The following SLC9A5 variants were observed in gnomAD, a reference collection of about 807,000 sequenced individuals.
SLC9A5 encodes sodium/hydrogen exchanger 5.
In SLC9A5, 52 loss-of-function variants were observed where a neutral mutation model predicts 91.7. That is an observed-to-expected ratio of 0.57 (90% CI 0.45 to 0.71). SLC9A5 has a LOEUF of 0.71. SLC9A5 is among the 30% of genes least tolerant of loss of function. The pLI is 0.00. For synonymous variants in SLC9A5, 419 were observed against 474.5 expected (o/e 0.88, Z 1.52); for missense variants, 871 against 1,158.9 (o/e 0.75, Z 3.61).
Position 67,256,432 on chromosome 16 carries a change from C to A in SLC9A5, c.912-37C>A. ...CCCTGGAGGCTGAGCCCCCTGGAACCCTTCCCCACTTGCCATGTCTCTCCA... is the reference window on the plus strand; with the variant it reads ...CCCTGGAGGCTGAGCCCCCTGGAACACTTCCCCACTTGCCATGTCTCTCCA... On this transcript the variant is annotated intron_variant, in intron 5 of 15. Coordinates refer to ENST00000299798, the MANE Select transcript of SLC9A5 (RefSeq NM_004594.3). This position sits in a 1 kb window ranked among gnomAD's most constrained non-coding sequence, Gnocchi z 4.1. 6.8e-7 allele frequency: 1 copy of A among 1,478,330 alleles called. No homozygotes were observed. The highest frequency in any genetic ancestry group is 9.4e-7 in the Non-Finnish European group (1 of 1,067,290). 91.6% of individuals were successfully genotyped at this position (1,478,330 alleles called of 1,614,324 possible).
Position 67,256,452 on chromosome 16 carries a change from T to C in SLC9A5, c.912-17T>C. The stretch of plus-strand genomic sequence containing the variant: ...GGAACCCTTCCCCACTTGCCATGTC[T>C]CTCCATCCTCTCCCAGGGTGACCAT... On this transcript the variant is annotated splice_polypyrimidine_tract_variant and intron_variant, in intron 5 of 15. Coordinates refer to ENST00000299798, the MANE Select transcript of SLC9A5 (RefSeq NM_004594.3). The surrounding 1 kb of genome is among the most constrained non-coding windows in gnomAD (Gnocchi z 4.1). 6.3e-7 allele frequency: 1 copy of C among 1,587,686 alleles called. No homozygotes were observed. Among genetic ancestry groups the C allele is most frequent in the East Asian group, 2.2e-5 (1 of 44,792 alleles).
intron 12 of SLC9A5, 30 bp from the exon 13 acceptor site, chr16:67,264,322 C>T (rs2035626816): frequency 6.2e-7 from 1 of 1,609,204 alleles, no homozygotes; most frequent in African/African-American, 1.3e-5. Context: ...GGCATCCATC[C>T]TCATAGCCAG....
chr16:67,265,386 G>T (rs2142379238), intron 14 of SLC9A5, among the ~76,000 whole-genome samples: 1 of 152,288 alleles, frequency 6.6e-6, no homozygotes, highest in Non-Finnish European at 1.5e-5. Flanking sequence ...TGGAGGATGG[G>T]TGGACTCTGG....
chr16:67,255,938 C>A lies in SLC9A5; in HGVS notation c.911+8C>A. On this transcript the variant is annotated splice_region_variant and intron_variant, in intron 5 of 15. Coordinates refer to ENST00000299798, the MANE Select transcript of SLC9A5 (RefSeq NM_004594.3). This position sits in a 1 kb window ranked among gnomAD's most constrained non-coding sequence, Gnocchi z 4.9. ...GCTCTCCGCCATTCTTGCGTGAGTT[C>A]TGGGGGCCTTGCAGGCAGATAGCTG... 6.2e-7 allele frequency: 1 copy of A among 1,610,934 alleles called. No individual in the cohort carries two copies. The highest frequency in any genetic ancestry group is 1.1e-5 in the South Asian group (1 of 90,558).
Position 67,256,072 on chromosome 16 carries a change from G to T in SLC9A5, c.911+142G>T. 1.1e-6 allele frequency: 1 copy of T among 893,740 alleles called. No homozygotes were observed. Among genetic ancestry groups the T allele is most frequent in the Non-Finnish European group, 1.7e-6 (1 of 594,792 alleles). 55.4% of individuals were successfully genotyped at this position (893,740 alleles called of 1,614,324 possible). On this transcript the variant is annotated intron_variant, in intron 5 of 15. Transcript: ENST00000299798. The surrounding 1 kb of genome is among the most constrained non-coding windows in gnomAD (Gnocchi z 4.1). ...GTAGTGGGAGCCTCAGACTGTCCTG[G>T]GGAGTCAGTAAACCTCAGCAATATT...
chr16:67,258,442 G>A lies in SLC9A5; in HGVS notation c.1621G>A (p.Asp541Asn), dbSNP rs1016637651. The A allele has an allele frequency of 6.2e-6, 10 of 1,614,026 alleles. No homozygotes were observed. Among genetic ancestry groups the A allele is most frequent in the Non-Finnish European group, 8.5e-6 (10 of 1,180,030 alleles). The change falls in exon 10 of 16, where the codon GAC becomes AAC. Residue 541 changes from aspartate (D) to asparagine (N), a missense_variant. Asp to Asn is a conservative substitution (Grantham distance 23). Around this residue, in one of 3 missense-constraint regions of SLC9A5, gnomAD observed 454 missense variants for 718.3 expected, o/e 0.63. Transcript: ENST00000299798. The surrounding 1 kb of genome is among the most constrained non-coding windows in gnomAD (Gnocchi z 4.5). ...LNIRDAISFV[D>N]QGGHVLSSTG... is the part of the protein sequence containing the mutation. ...CATCCGGGATGCCATCAGCTTTGTG[G>A]ACCAGGTGGGCCAGCAGCTTCCAGG...
At chr16:67,262,926 C>T (rs976749698) in intron 12 of SLC9A5, 8 of 152,504 alleles carry the variant, frequency 5.2e-5, no homozygotes, top group African/African-American at 1.9e-4. Flanking sequence ...CCTGGAGTTG[C>T]ATTTCTGGTT....
intron 15 of SLC9A5, among the ~76,000 whole-genome samples, chr16:67,269,762 A>C (rs2035857300): frequency 6.6e-6 from 1 of 152,028 alleles, no homozygotes; most frequent in African/African-American, 2.4e-5. Context: ...TACTTTGGAG[A>C]GCTGGGGTGG....
rs1442135075 is a variant in SLC9A5, at chr16:67,257,487, T to C, written c.1426-44T>C. On this transcript the variant is annotated intron_variant, in intron 8 of 15. Transcript: ENST00000299798. The surrounding 1 kb of genome is among the most constrained non-coding windows in gnomAD (Gnocchi z 5.1). Reference sequence around the variant, plus strand: ...TGTCCCTCTCGACCTTCTCCTATTTTGGGCAGAGTCCTGATCCAGTCCCCC... The same window carrying C: ...TGTCCCTCTCGACCTTCTCCTATTTCGGGCAGAGTCCTGATCCAGTCCCCC... 1.2e-6 allele frequency: 2 copies of C among 1,613,684 alleles called. No individual in the cohort carries two copies. The highest frequency in any genetic ancestry group is 1.7e-6 in the Non-Finnish European group (2 of 1,179,598).
intron 1 of SLC9A5, among the ~76,000 whole-genome samples, chr16:67,250,012 T>C (rs1464137099): frequency 6.6e-6 from 1 of 152,184 alleles, no homozygotes; most frequent in Non-Finnish European, 1.5e-5. Context: ...TCCTTCTCCC[T>C]GTTGTGCTGG....
intron 2 of SLC9A5, among the ~76,000 whole-genome samples, chr16:67,253,989 T>C (rs541849620): frequency 6.6e-6 from 1 of 152,330 alleles, no homozygotes; most frequent in Non-Finnish European, 1.5e-5. Context: ...TCTAACCTGG[T>C]TTCCCTATTG....
In SLC9A5 at chr16:67,271,201, C is replaced by T. The variant is rs752455614; in HGVS notation, c.2682C>T (p.Ser894=). The stretch of plus-strand genomic sequence containing the variant: ...GGTGCATCCAGTTCAACAGAGGCAG[C>T]CGGCTGTAGCTCAAGGCCTCGGGGA... The part of the protein sequence containing the change: ...SHWCIQFNRG[S]RL The change falls in exon 16 of 16, where the codon AGC becomes AGT. Residue 894 remains serine, a synonymous_variant. Coordinates refer to ENST00000299798, the MANE Select transcript of SLC9A5 (RefSeq NM_004594.3). 1 of 1,611,192 alleles carries T rather than the reference C, an allele frequency of 6.2e-7. No homozygotes were observed. Among genetic ancestry groups the T allele is most frequent in the South Asian group, 1.1e-5 (1 of 90,968 alleles).
rs1028111448 is a variant in SLC9A5, at chr16:67,270,494, G to C, written c.2219-244G>C. Among the ~76,000 whole-genome samples the C allele has an allele frequency of 7.9e-5, 12 of 152,216 alleles. No individual in the cohort carries two copies. Among genetic ancestry groups the C allele is most frequent in the African/African-American group, 2.9e-4 (12 of 41,520 alleles). On this transcript the variant is annotated intron_variant, in intron 15 of 15. Coordinates refer to ENST00000299798, the MANE Select transcript of SLC9A5 (RefSeq NM_004594.3). The surrounding 1 kb of genome is among the most constrained non-coding windows in gnomAD (Gnocchi z 4.3). ...CCATAAGCCAACTTTCCTTATTTTC[G>C]TTTCTTTGATGAAAATAATGTTCAA...
intron 12 of SLC9A5, 148 bp from the exon 13 acceptor site, chr16:67,264,204 A>AT: frequency 3.0e-6 from 2 of 669,716 alleles, no homozygotes; most frequent in Non-Finnish European, 5.1e-6. Flanking sequence ...TTCCTGTTGT[A>AT]TTTTTTGTTT....
rs761704699 is a variant in SLC9A5, at chr16:67,271,262, CTGGGTGA to C, written c.*58_*64del. 2.7e-6 allele frequency: 4 copies of C among 1,480,932 alleles called. No individual in the cohort carries two copies. In the East Asian group the frequency reaches 9.5e-5, roughly 35 times the overall value. The allele number at this position is 1,480,932 out of a possible 1,614,324, so 91.7% of individuals were successfully genotyped here. ...GTGGAATCCCTGTGGGAAGTGCTCC[CTGGGTGA>C]TGGGTAGAGCCCTCGAAACTTGACA... On this transcript the variant is annotated 3_prime_UTR_variant, in exon 16 of 16. Coordinates refer to ENST00000299798, the MANE Select transcript of SLC9A5 (RefSeq NM_004594.3).
chr16:67,253,709 G>T (rs2035213660), intron 2 of SLC9A5, among the ~76,000 whole-genome samples: 1 of 152,188 alleles, frequency 6.6e-6, no homozygotes, highest in African/African-American at 2.4e-5. Flanking sequence ...TTTTAGTAGA[G>T]ATGGGGTTTC....
In SLC9A5 at chr16:67,255,576, C is replaced by T. The variant is rs150163680; in HGVS notation, c.733+105C>T. The T allele has an allele frequency of 2.4e-4, 327 of 1,348,528 alleles. 1 individual carries two copies. The African/African-American group carries it at 4.3e-3, about 18-fold the overall frequency. 83.5% of individuals were successfully genotyped at this position (1,348,528 alleles called of 1,614,324 possible). ...ACAGAAGAGGCTATTCGGGTTGCCT[C>T]ATCTCCTCTATAGAGAAATGGGGTC... On this transcript the variant is annotated intron_variant, in intron 4 of 15. Coordinates refer to ENST00000299798, the MANE Select transcript of SLC9A5 (RefSeq NM_004594.3). The surrounding 1 kb of genome is among the most constrained non-coding windows in gnomAD (Gnocchi z 4.9).
rs2035159669 is a variant in SLC9A5 at position 67,252,390 on chromosome 16, C to A, written c.188-152C>A. On this transcript the variant is annotated intron_variant, in intron 1 of 15. Transcript: ENST00000299798. This position sits in a 1 kb window ranked among gnomAD's most constrained non-coding sequence, Gnocchi z 4.0. ...ACTTGAACCCGGGAGGTGAAGGTTG[C>A]AGTGAGCTGAGATTGTGCTACTGCA... 1 of 672,606 alleles carries A rather than the reference C, an allele frequency of 1.5e-6. No homozygotes were observed. The highest frequency in any genetic ancestry group is 2.5e-6 in the Non-Finnish European group (1 of 396,058). The allele number at this position is 672,606 out of a possible 1,614,324, so 41.7% of individuals were successfully genotyped here.
Position 67,269,002 on chromosome 16 carries a change from T to G in SLC9A5, c.2219-1736T>G, listed in dbSNP as rs538469359. Among the ~76,000 whole-genome samples, 7 of 151,958 alleles carry G rather than the reference T, an allele frequency of 4.6e-5. No individual in the cohort carries two copies. In the South Asian group the frequency reaches 1.5e-3, roughly 32 times the overall value. ...CATAGTTTCCCCCAAACCCCCTACT[T>G]TTTTTTCTTCACGATGTATTTACTG... On this transcript the variant is annotated intron_variant, in intron 15 of 15. Coordinates refer to ENST00000299798, the MANE Select transcript of SLC9A5 (RefSeq NM_004594.3).
Sources: gnomAD v4.1 joint callset for allele counts (sites outside exome capture counted in the v4.1 genomes callset) on GRCh38, gnomAD v4.1.1 for gene constraint, gnomAD v4.1.1 regional missense constraint, Gnocchi (gnomAD v3.1) non-coding constraint, MANE v1.5 for transcripts, NCBI Gene and HGNC (gene_info 2026-07-23, HGNC 2026-07-21) for gene names.